RAD54L2: variants seen among roughly 807,000 people sequenced by gnomAD.
RAD54L2 encodes the protein RAD54 like 2, also known as helicase ARIP4.
A neutral mutation model predicts 138.4 loss-of-function variants in RAD54L2; 27 were observed. The observed-to-expected ratio is 0.20, with a 90% CI of 0.14 to 0.27. RAD54L2 has a LOEUF of 0.27. Among genes scored for constraint, RAD54L2 ranks in the 10% least tolerant of loss-of-function variants. The pLI, the probability that RAD54L2 is intolerant of heterozygous loss-of-function variation, is 1.00. For synonymous variants in RAD54L2, 644 were observed against 723.2 expected (o/e 0.89, Z 1.76); for missense variants, 1,396 against 1,890.2 (o/e 0.74, Z 4.85).
At chr3:51,628,630 A>G (rs1392990549) in intron 4 of RAD54L2, among the ~76,000 whole-genome samples, 1 of 151,312 alleles carries the variant, frequency 6.6e-6, no homozygotes, top group East Asian at 1.9e-4. Context: ...CTTCAAGTGA[A>G]CTGCCCACCT....
In RAD54L2 at chr3:51,666,106, T is replaced by A. The variant is rs1701903791; in HGVS notation, c.*2686T>A. On this transcript the variant is annotated 3_prime_UTR_variant, in exon 23 of 23. Coordinates refer to ENST00000684192, the MANE Select transcript of RAD54L2 (RefSeq NM_015106.4). ...AAGGCTTTCTTTTATATGTGCAGTTTCTATTGTGTAGAGGGGTTGGGGGTG... is the reference window on the plus strand; with the variant it reads ...AAGGCTTTCTTTTATATGTGCAGTTACTATTGTGTAGAGGGGTTGGGGGTG... 1 of 151,502 alleles carries A rather than the reference T, an allele frequency of 6.6e-6. No homozygotes were observed. Among genetic ancestry groups the A allele is most frequent in the Non-Finnish European group, 1.5e-5 (1 of 67,960 alleles). 9.4% of individuals were successfully genotyped at this position (151,502 alleles called of 1,614,324 possible).
In RAD54L2 at chr3:51,666,780, G is replaced by T. The variant is rs754436755; in HGVS notation, c.*3360G>T. On this transcript the variant is annotated 3_prime_UTR_variant, in exon 23 of 23. Coordinates refer to ENST00000684192, the MANE Select transcript of RAD54L2 (RefSeq NM_015106.4). ...CATCTCCTGATTTAAGGATAATTCT[G>T]TCTGGTCCTTGGAGCTCTCTTCCCT... 6.6e-6 allele frequency: 1 copy of T among 152,092 alleles called. No individual in the cohort carries two copies. Among genetic ancestry groups the T allele is most frequent in the Non-Finnish European group, 1.5e-5 (1 of 68,024 alleles). The allele number at this position is 152,092 out of a possible 1,614,324, so 9.4% of individuals were successfully genotyped here.
intron 1 of RAD54L2, among the ~76,000 whole-genome samples, 86 bp downstream of exon 1, chr3:51,539,001 C>T (rs1332031020): frequency 6.6e-6 from 1 of 152,170 alleles, no homozygotes; most frequent in African/African-American, 2.4e-5. Context: ...GCGGCCTGGG[C>T]CCCTGCCATG....
In RAD54L2 at chr3:51,630,286, A is replaced by G; in HGVS notation, c.496A>G (p.Arg166Gly). The part of the protein sequence containing the change: ...LEFLPEEIAL[R>G]ASDGPQLPPR... Reference sequence around the variant, plus strand: ...GCTTTTCCTAGAGGAAATTGCTTTAAGGGCAAGTGACGGTCCCCAACTGCC... The same window carrying G: ...GCTTTTCCTAGAGGAAATTGCTTTAGGGGCAAGTGACGGTCCCCAACTGCC... Residue 166 changes from arginine (R) to glycine (G), a missense_variant, in exon 6 of 23, where the codon AGG becomes GGG. Physicochemically the swap from Arg to Gly is moderately radical, Grantham distance 125. This residue lies in a region of RAD54L2 where 256 missense variants were observed against 344.6 expected (regional missense o/e 0.74). Coordinates refer to ENST00000684192, the MANE Select transcript of RAD54L2 (RefSeq NM_015106.4). 1 of 1,613,976 alleles carries G rather than the reference A, an allele frequency of 6.2e-7. No homozygotes were observed. The highest frequency in any genetic ancestry group is 8.5e-7 in the Non-Finnish European group (1 of 1,179,846).
chr3:51,568,591 A>G (rs1044891515), intron 2 of RAD54L2, among the ~76,000 whole-genome samples: 2 of 152,164 alleles, frequency 1.3e-5, no homozygotes, highest in Admixed American at 6.6e-5. Flanking sequence ...ATAGGTTGAC[A>G]CAGTGAGCAC....
intron 19 of RAD54L2, among the ~76,000 whole-genome samples, chr3:51,655,738 A>G (rs1275663688): frequency 6.6e-6 from 1 of 152,174 alleles, no homozygotes; most frequent in Non-Finnish European, 1.5e-5. Flanking sequence ...TTCCACCAAC[A>G]TCTGATTCTC....
At position 51,590,696 on chromosome 3, in the gene RAD54L2, C is replaced by T; in HGVS notation, c.139+137C>T. 3 of 1,172,236 alleles carry T rather than the reference C, an allele frequency of 2.6e-6. 1 individual carries two copies. The highest frequency in any genetic ancestry group is 2.7e-5 in the South Asian group (2 of 73,570). The allele number at this position is 1,172,236 out of a possible 1,614,324, so 72.6% of individuals were successfully genotyped here. On this transcript the variant is annotated intron_variant, in intron 3 of 22. Coordinates refer to ENST00000684192, the MANE Select transcript of RAD54L2 (RefSeq NM_015106.4). ...AAGATACAGACTAGGAACTGAGATGCAATGAATTCAGATGCTCATTCCTAG... is the reference window on the plus strand; with the variant it reads ...AAGATACAGACTAGGAACTGAGATGTAATGAATTCAGATGCTCATTCCTAG...
At chr3:51,611,246 G>A (rs1331712929) in intron 3 of RAD54L2, among the ~76,000 whole-genome samples, 1 of 151,380 alleles carries the variant, frequency 6.6e-6, no homozygotes, top group African/African-American at 2.4e-5. Context: ...CAGGGACCAA[G>A]GATTGCTTGT....
chr3:51,618,679 G>A (rs930703191), intron 3 of RAD54L2, among the ~76,000 whole-genome samples: 1 of 152,232 alleles, frequency 6.6e-6, no homozygotes, highest in African/African-American at 2.4e-5. Context: ...TAGACAATAA[G>A]ATCTTGGACT....
chr3:51,627,808 AT>A, intron 4 of RAD54L2, 54 bp downstream of exon 4: 1 of 1,581,400 alleles, frequency 6.3e-7, no homozygotes, highest in East Asian at 2.2e-5. Flanking sequence ...TTTTACCTTC[AT>A]CTTAAGGCTG....
At chr3:51,559,699 A>C (rs1356945060) in intron 2 of RAD54L2, among the ~76,000 whole-genome samples, 3 of 152,194 alleles carry the variant, frequency 2.0e-5, no homozygotes, top group African/African-American at 7.2e-5. Context: ...TGTTCTAGAG[A>C]TGAGCTCTCT....
intron 21 of RAD54L2, among the ~76,000 whole-genome samples, chr3:51,658,853 G>A (rs560249530): frequency 1.3e-5 from 2 of 151,994 alleles, no homozygotes; most frequent in East Asian, 1.9e-4. Context: ...GTCAAATCTA[G>A]CCTGCTACCT....
chr3:51,619,217 G>A (rs1039404808), intron 3 of RAD54L2, among the ~76,000 whole-genome samples: 1 of 151,928 alleles, frequency 6.6e-6, no homozygotes, highest in African/African-American at 2.4e-5. Flanking sequence ...GCCACCACGC[G>A]TGGCTAATTT....
At chr3:51,539,116 G>A (rs1361293063) in intron 1 of RAD54L2, among the ~76,000 whole-genome samples, 1 of 152,216 alleles carries the variant, frequency 6.6e-6, no homozygotes, top group Admixed American at 6.5e-5. Context: ...GGGGTCTTGG[G>A]CCTCGACCCG....
At chr3:51,658,170 G>C (rs369980722) in intron 21 of RAD54L2, among the ~76,000 whole-genome samples, 6 of 151,794 alleles carry the variant, frequency 4.0e-5, no homozygotes, top group African/African-American at 1.4e-4. Context: ...TTGACCTCAT[G>C]ATCCGCCCAC....
chr3:51,655,845 TC>T (rs1701584480), intron 19 of RAD54L2, 125 bp from the exon 20 acceptor site: 1 of 803,962 alleles, frequency 1.2e-6, no homozygotes, highest in Admixed American at 2.6e-5. Flanking sequence ...TGCAGATTCT[TC>T]TGATCCTTCT....
At chr3:51,632,147 A>G (rs1354813141) in intron 7 of RAD54L2, among the ~76,000 whole-genome samples, 1 of 152,232 alleles carries the variant, frequency 6.6e-6, no homozygotes, top group Non-Finnish European at 1.5e-5. Flanking sequence ...GTTGCTGCAA[A>G]TGACAGGATT....
chr3:51,605,859 A>G (rs1005017962), intron 3 of RAD54L2, among the ~76,000 whole-genome samples: 1 of 152,200 alleles, frequency 6.6e-6, no homozygotes, highest in African/African-American at 2.4e-5. Context: ...AGCTTTACTG[A>G]TAGGCACTGC....
At chr3:51,589,457 C>T (rs943685193) in intron 2 of RAD54L2, among the ~76,000 whole-genome samples, 1 of 152,094 alleles carries the variant, frequency 6.6e-6, no homozygotes, top group African/African-American at 2.4e-5. Flanking sequence ...CAGTCAAAAT[C>T]ATCTGGCAGC....
Sources: allele counts gnomAD v4.1 joint callset (sites outside exome capture counted in the v4.1 genomes callset), GRCh38; gene constraint gnomAD v4.1.1; regional missense constraint gnomAD v4.1.1; transcripts MANE v1.5; gene names NCBI Gene and HGNC (gene_info 2026-07-23, HGNC 2026-07-21).